Variants in GDAP2 observed in about 807,000 individuals in gnomAD.
GDAP2 encodes ganglioside-induced differentiation-associated protein 2.
Under a neutral mutation model 67.0 loss-of-function variants are expected in GDAP2, and 51 were observed. The ratio of observed to expected loss-of-function variants is 0.76; its 90% CI spans 0.61 to 0.96. The LOEUF (loss-of-function observed/expected upper bound fraction) is 0.96. Among genes scored for constraint, GDAP2 ranks in the 40% least tolerant of loss-of-function variants. The pLI is 0.00. For missense variants in GDAP2, 547 were observed against 588.3 expected, an observed-to-expected ratio of 0.93 and a Z score of 0.73; for synonymous variants, 203 against 207.3, an observed-to-expected ratio of 0.98 and a Z score of 0.18.
intron 6 of GDAP2, among the ~76,000 whole-genome samples, chr1:117,902,806 G>C (rs1192635358): frequency 6.6e-6 from 1 of 152,072 alleles, no homozygotes; most frequent in Admixed American, 6.6e-5. Context: ...AAATGAGTTG[G>C]GATTTTGATA....
intron 1 of GDAP2, among the ~76,000 whole-genome samples, chr1:117,921,572 G>A (rs1650255960): frequency 1.3e-5 from 2 of 152,160 alleles, no homozygotes; most frequent in Non-Finnish European, 2.9e-5. Context: ...GAGCAAGGAG[G>A]CCAGTTTAGG....
chr1:117,903,766 C>T (rs946272644), intron 6 of GDAP2, among the ~76,000 whole-genome samples: 5 of 152,034 alleles, frequency 3.3e-5, no homozygotes, highest in Non-Finnish European at 4.4e-5. Flanking sequence ...GTTGAGAATT[C>T]GTAATTTTTT....
intron 8 of GDAP2, among the ~76,000 whole-genome samples, chr1:117,895,305 T>C (rs1365677503): frequency 1.3e-5 from 2 of 152,168 alleles, no homozygotes; most frequent in Non-Finnish European, 2.9e-5. Flanking sequence ...TCATATACAT[T>C]AGTCAAAACA....
intron 5 of GDAP2, among the ~76,000 whole-genome samples, chr1:117,908,767 T>C (rs559277697): frequency 1.3e-5 from 2 of 152,078 alleles, no homozygotes; most frequent in South Asian, 2.1e-4. Flanking sequence ...TGAGGCTGCA[T>C]TGAGCTGTGT....
In GDAP2 at chr1:117,864,733, AT is replaced by A. The variant is rs1053428656; in HGVS notation, c.*5835del. 1 of 152,054 alleles carries A rather than the reference AT, an allele frequency of 6.6e-6. No homozygotes were observed. The highest frequency in any genetic ancestry group is 1.5e-5 in the Non-Finnish European group (1 of 67,998). The allele number at this position is 152,054 out of a possible 1,614,324, so 9.4% of individuals were successfully genotyped here. A position where few individuals can be genotyped will look rare whatever the true frequency, so the allele number is the denominator to read the frequency against. On this transcript the variant is annotated 3_prime_UTR_variant, in exon 14 of 14. Coordinates refer to ENST00000369443, the MANE Select transcript of GDAP2 (RefSeq NM_017686.4). ...TAAGCAAAAACTGAGGAGCTAAGAG[AT>A]TTTTTTCCTTATTAAAAAGTGAAGT...
chr1:117,912,642 G>C lies in GDAP2; in HGVS notation c.358C>G (p.Leu120Val). The change falls in exon 4 of 14, where the codon CTA (leucine) becomes GTA (valine). Residue 120 changes from leucine (L) to valine (V), a missense_variant. By Grantham distance (32) the Leu-to-Val change is conservative. Transcript: ENST00000369443. ...GEAKLTKGFN[L>V]AARFIIHTVG... ...GTGTGAATGATGAACCGGGCAGCTA[G>C]ATTGAATCCTTTTGTCAATTTTGCT... 1.9e-6 allele frequency: 3 copies of C among 1,613,592 alleles called. No homozygotes were observed. Among genetic ancestry groups the C allele is most frequent in the Non-Finnish European group, 1.7e-6 (2 of 1,179,560 alleles).
intron 13 of GDAP2, 122 bp from the exon 14 acceptor site, chr1:117,870,738 C>T (rs1648230090): frequency 1.4e-6 from 1 of 732,152 alleles, no homozygotes; most frequent in Non-Finnish European, 2.5e-6. Flanking sequence ...ATGTCTGGCA[C>T]TAAGCAGGCC....
chr1:117,873,665 AC>A (rs962220125), intron 13 of GDAP2, among the ~76,000 whole-genome samples: 5 of 151,988 alleles, frequency 3.3e-5, no homozygotes, highest in Non-Finnish European at 7.4e-5. Flanking sequence ...CAAACTGAAC[AC>A]AGTACCTGTC....
intron 1 of GDAP2, among the ~76,000 whole-genome samples, chr1:117,925,916 A>T (rs1251396994): frequency 6.6e-6 from 1 of 152,190 alleles, no homozygotes; most frequent in Admixed American, 6.5e-5. Flanking sequence ...CACACGTTTA[A>T]GCCCACCAAA....
chr1:117,894,158 G>C (rs1205368629), intron 8 of GDAP2, among the ~76,000 whole-genome samples: 1 of 135,902 alleles, frequency 7.4e-6, no homozygotes, highest in Non-Finnish European at 1.6e-5. Context: ...TTTTTTTTTT[G>C]AGACAGGGTC....
At chr1:117,877,946 T>G in intron 13 of GDAP2, 63 bp downstream of exon 13, 1 of 1,570,970 alleles carries the variant, frequency 6.4e-7, no homozygotes, top group South Asian at 1.2e-5. Context: ...TGCTCGTAAG[T>G]GCTGCTCTAT....
intron 1 of GDAP2, among the ~76,000 whole-genome samples, chr1:117,921,467 A>T (rs1002271063): frequency 2.0e-5 from 3 of 152,222 alleles, no homozygotes; most frequent in African/African-American, 7.2e-5. Context: ...ACAATGAGAG[A>T]GCAACCACAT....
intron 3 of GDAP2, among the ~76,000 whole-genome samples, chr1:117,915,512 A>G (rs1235801009): frequency 6.6e-6 from 1 of 152,250 alleles, no homozygotes. Flanking sequence ...TGGTCTGGGT[A>G]GTAGATGTAA....
intron 11 of GDAP2, among the ~76,000 whole-genome samples, 179 bp from the exon 12 acceptor site, chr1:117,882,056 C>T (rs974654576): frequency 6.6e-6 from 1 of 151,968 alleles, no homozygotes; most frequent in African/African-American, 2.4e-5. Flanking sequence ...GAGAACATTC[C>T]ATTTTTTAAA....
intron 8 of GDAP2, among the ~76,000 whole-genome samples, chr1:117,894,230 C>A (rs1165560994): frequency 6.6e-6 from 1 of 151,982 alleles, no homozygotes; most frequent in Non-Finnish European, 1.5e-5. Flanking sequence ...ATCTCCACCA[C>A]CTCCTGGGCT....
rs190033418 is a variant in GDAP2, at chr1:117,891,664, C to A, written c.954-3890G>T. On this transcript the variant is annotated intron_variant, in intron 8 of 13. Coordinates refer to ENST00000369443, the MANE Select transcript of GDAP2 (RefSeq NM_017686.4). ...CATTTGTTGTGTGTTTTGTGAATAT[C>A]TGCCCCCATTCCGTAACTTGCTTTT... Among the ~76,000 whole-genome samples, 559 of 152,186 alleles carry A rather than the reference C, an allele frequency of 3.7e-3. 3 individuals carry two copies. The highest frequency in any genetic ancestry group is 0.013 in the African/African-American group (547 of 41,540).
chr1:117,902,507 G>C (rs1649514423), intron 6 of GDAP2, among the ~76,000 whole-genome samples: 1 of 152,130 alleles, frequency 6.6e-6, no homozygotes, highest in African/African-American at 2.4e-5. Flanking sequence ...ATACAACTTT[G>C]TTCTTTGGCA....
intron 4 of GDAP2, among the ~76,000 whole-genome samples, 196 bp from the exon 5 acceptor site, chr1:117,912,278 A>G (rs955972184): frequency 5.9e-5 from 9 of 152,186 alleles, no homozygotes; most frequent in Non-Finnish European, 4.4e-5. Flanking sequence ...TGGAGGATAT[A>G]TATCTCACAT....
chr1:117,894,755 G>C (rs1245896172), intron 8 of GDAP2, among the ~76,000 whole-genome samples: 2 of 152,074 alleles, frequency 1.3e-5, no homozygotes, highest in Non-Finnish European at 2.9e-5. Context: ...TATGTGGCAG[G>C]TGTTTTCCCA....
Sources: gnomAD v4.1 joint callset for allele counts (sites outside exome capture counted in the v4.1 genomes callset) on GRCh38, gnomAD v4.1.1 for gene constraint, MANE v1.5 for transcripts, NCBI Gene and HGNC (gene_info 2026-07-23, HGNC 2026-07-21) for gene names.